RELN: variants seen among roughly 807,000 people sequenced by gnomAD.
RELN encodes the protein reelin.
Under a neutral mutation model 427.6 loss-of-function variants are expected in RELN, and 108 were observed. The ratio of observed to expected loss-of-function variants is 0.25; its 90% CI spans 0.22 to 0.30. RELN has a LOEUF of 0.30. Among genes scored for constraint, RELN ranks in the 10% least tolerant of loss-of-function variants. RELN has a pLI of 1.00. For missense variants in RELN, 3,715 were observed against 4,302.8 expected, an observed-to-expected ratio of 0.86 and a Z score of 3.82; for synonymous variants, 1,524 against 1,513.4, an observed-to-expected ratio of 1.01 and a Z score of -0.16.
intron 64 of RELN, 72 bp from the exon 65 acceptor site, chr7:103,472,980 G>A (rs756965534): frequency 3.3e-6 from 4 of 1,204,440 alleles, no homozygotes; most frequent in East Asian, 2.3e-5. Context: ...CATTGAACGT[G>A]CAATCTATTC....
chr7:103,523,348 G>A, intron 47 of RELN, 43 bp downstream of exon 47: 2 of 1,612,398 alleles, frequency 1.2e-6, no homozygotes, highest in Middle Eastern at 1.7e-4. Context: ...GATGGAATGT[G>A]AATCAGGAGC....
intron 2 of RELN, among the ~76,000 whole-genome samples, chr7:103,854,794 C>G (rs988174008): frequency 6.6e-6 from 1 of 152,190 alleles, no homozygotes; most frequent in East Asian, 1.9e-4. Context: ...GTGTCTCTCT[C>G]ATCTGTTGTG....
At chr7:103,975,732 T>G in intron 1 of RELN, among the ~76,000 whole-genome samples, 1 of 141,574 alleles carries the variant, frequency 7.1e-6, no homozygotes, top group Non-Finnish European at 1.5e-5. Flanking sequence ...TTTTTTTTTG[T>G]ATTTTTAGTA....
intron 19 of RELN, among the ~76,000 whole-genome samples, chr7:103,631,725 T>C (rs1832471328): frequency 6.6e-6 from 1 of 152,186 alleles, no homozygotes; most frequent in South Asian, 2.1e-4. Context: ...TTAAGTATTT[T>C]AGTAATTTTC....
At chr7:103,900,735 A>G (rs1795065602) in intron 2 of RELN, among the ~76,000 whole-genome samples, 1 of 152,140 alleles carries the variant, frequency 6.6e-6, no homozygotes, top group East Asian at 1.9e-4. Flanking sequence ...CAAACAAGCA[A>G]TGGGGAAAAT....
chr7:103,496,006 T>C (rs539370453), intron 56 of RELN, 108 bp from the exon 57 acceptor site: 1 of 1,141,960 alleles, frequency 8.8e-7, no homozygotes, highest in African/African-American at 1.5e-5. Context: ...TTGAATTCCT[T>C]AAATTTTTAT....
At chr7:103,672,511 T>C (rs193173080) in intron 11 of RELN, among the ~76,000 whole-genome samples, 1 of 152,224 alleles carries the variant, frequency 6.6e-6, no homozygotes, top group East Asian at 1.9e-4. Flanking sequence ...AAGAAAGCAA[T>C]ATTAGCACCT....
chr7:103,982,080 C>T (rs529152602), intron 1 of RELN, among the ~76,000 whole-genome samples: 62 of 152,208 alleles, frequency 4.1e-4, no homozygotes, highest in African/African-American at 1.4e-3. Context: ...GCACGAGAAT[C>T]GCCTGAACCC....
rs137901120 is a variant in RELN, at chr7:103,584,959, T to C, written c.4145+4637A>G. Reference sequence around the variant, plus strand: ...GGAAACTAAACAACTTGCTCCTGACTGATCTTTGAGTAAGTGATGAAATTA... The same window carrying C: ...GGAAACTAAACAACTTGCTCCTGACCGATCTTTGAGTAAGTGATGAAATTA... On this transcript the variant is annotated intron_variant, in intron 28 of 64. Transcript: ENST00000428762. Among the ~76,000 whole-genome samples, 69 of 152,232 alleles carry C rather than the reference T, an allele frequency of 4.5e-4. 3 individuals are homozygous for C. The East Asian group carries it at 8.5e-3, about 19-fold the overall frequency.
In RELN at chr7:103,589,614, G is replaced by T; in HGVS notation, c.4127C>A (p.Pro1376Gln). Residue 1376 changes from proline to glutamine, a missense_variant, in exon 28 of 65, where the codon CCA becomes CAA. Physicochemically the swap from Pro to Gln is moderately conservative, Grantham distance 76 (BLOSUM62 -1). Coordinates refer to ENST00000428762, the MANE Select transcript of RELN (RefSeq NM_005045.4). ...EEWTRITIVIPRSLASSKTRF... is the reference protein window; with the variant it reads ...EEWTRITIVIQRSLASSKTRF... ...ACTTTACCTGGATGCAAGAGACCTT[G>T]GAATAACAATGGTGATTCTTGTCCA... The T allele has an allele frequency of 1.2e-6, 2 of 1,612,074 alleles. No homozygotes were observed. Among genetic ancestry groups the T allele is most frequent in the African/African-American group, 2.7e-5 (2 of 75,000 alleles).
intron 51 of RELN, among the ~76,000 whole-genome samples, chr7:103,505,187 C>T (rs1285147641): frequency 2.0e-5 from 3 of 152,170 alleles, no homozygotes; most frequent in African/African-American, 7.2e-5. Flanking sequence ...AAGAGAGCAG[C>T]GGTTCTCTCA....
At chr7:103,545,404 T>C (rs3025932) in intron 41 of RELN, 60 bp from the exon 42 acceptor site, 3 of 1,131,742 alleles carry the variant, frequency 2.7e-6, no homozygotes, top group East Asian at 2.4e-5. Context: ...CTTCAAAGTA[T>C]GCACATCTGA....
intron 36 of RELN, among the ~76,000 whole-genome samples, chr7:103,560,429 A>T (rs1450472430): frequency 6.6e-6 from 1 of 152,226 alleles, no homozygotes; most frequent in Non-Finnish European, 1.5e-5. Context: ...GGATGGCTAA[A>T]GGGAAAATAT....
intron 1 of RELN, among the ~76,000 whole-genome samples, chr7:103,919,958 AT>A (rs980653050): frequency 1.3e-5 from 2 of 152,196 alleles, no homozygotes; most frequent in African/African-American, 4.8e-5. Context: ...CAGGTCACCA[AT>A]TTGGCCCATT....
At position 103,565,495 on chromosome 7, in the gene RELN, G is replaced by T; in HGVS notation, c.4993C>A (p.Gln1665Lys). 2 of 1,613,522 alleles carry T rather than the reference G, an allele frequency of 1.2e-6. No individual in the cohort carries two copies. The change falls in exon 34 of 65, where the codon CAG becomes AAG. Residue 1665 changes from glutamine (Q) to lysine (K), a missense_variant. Physicochemically the swap from Gln to Lys is moderately conservative, Grantham distance 53. Transcript: ENST00000428762. The part of the protein sequence containing the change: ...DFHVSASTFL[Q>K]FEMSMGCSKP... ...CTACAGCCCATGCTCATTTCAAACT[G>T]CAAAAAGGTAGATGCTGACACATGA...
intron 2 of RELN, among the ~76,000 whole-genome samples, chr7:103,845,064 C>T (rs1169718108): frequency 6.6e-6 from 1 of 152,148 alleles, no homozygotes; most frequent in African/African-American, 2.4e-5. Flanking sequence ...AAAGAATTAT[C>T]CATAGCAATG....
chr7:103,932,716 A>C (rs1024737365), intron 1 of RELN, among the ~76,000 whole-genome samples: 1 of 152,210 alleles, frequency 6.6e-6, no homozygotes, highest in South Asian at 2.1e-4. Flanking sequence ...AGGCAAAAGC[A>C]AGCTACCAAA....
At chr7:103,670,628 A>G (rs1012065) in intron 11 of RELN, among the ~76,000 whole-genome samples, 43,064 of 151,790 alleles carry the variant, frequency 0.28, 6,364 homozygotes, top group Middle Eastern at 0.4. Context: ...ATGGGGGGGA[A>G]ATTTTAGACT....
chr7:103,737,031 C>A (rs76078269), intron 6 of RELN, among the ~76,000 whole-genome samples: 2,647 of 152,090 alleles, frequency 0.017, 69 homozygotes, highest in African/African-American at 0.061. Context: ...GTGAAGAAAT[C>A]AAGAGGGAGG....
Sources: gnomAD v4.1 joint callset for allele counts (sites outside exome capture counted in the v4.1 genomes callset) on GRCh38, gnomAD v4.1.1 for gene constraint, MANE v1.5 for transcripts, NCBI Gene and HGNC (gene_info 2026-07-23, HGNC 2026-07-21) for gene names.